The following GRM4 variants were observed in gnomAD, a reference collection of about 807,000 sequenced individuals.
The protein encoded by GRM4 is glutamate metabotropic receptor 4.
GRM4 carries 28 observed loss-of-function variants against 81.7 expected under a neutral mutation model. The observed-to-expected ratio is 0.34, with a 90% CI of 0.25 to 0.47. The LOEUF (loss-of-function observed/expected upper bound fraction) is 0.47. Among genes scored for constraint, GRM4 ranks in the 20% least tolerant of loss-of-function variants. The probability of loss-of-function intolerance (pLI) is 1.00; values close to 1 mark genes in which losing one functional copy is unlikely to be tolerated. For missense variants in GRM4, 948 were observed against 1,290.0 expected (o/e 0.73, Z 4.06); for synonymous variants, 488 against 528.8 (o/e 0.92, Z 1.06).
chr6:34,080,144 G>A lies in GRM4; in HGVS notation c.736+11739C>T, dbSNP rs1478313687. ...TGCACATGCCAGTTCCCCTGCCTGG[G>A]GCCCTCTTCCCACAGATCTCCACCT... On this transcript the variant is annotated intron_variant, in intron 3 of 10. Coordinates refer to ENST00000538487, the MANE Select transcript of GRM4 (RefSeq NM_000841.4). This position sits in a 1 kb window ranked among gnomAD's most constrained non-coding sequence, Gnocchi z 5.4. Among the ~76,000 whole-genome samples, 1 of 152,060 alleles carries A rather than the reference G, an allele frequency of 6.6e-6. No homozygotes were observed. The highest frequency in any genetic ancestry group is 2.4e-5 in the African/African-American group (1 of 41,380).
At chr6:34,071,568 CCA>C (rs751577392) in intron 3 of GRM4, among the ~76,000 whole-genome samples, 10 of 26,328 alleles carry the variant, frequency 3.8e-4, no homozygotes, top group Non-Finnish European at 9.3e-4. Context: ...CAGATAAACA[CCA>C]CACACACACA....
chr6:34,025,300 C>A (rs1458096436), intron 10 of GRM4, among the ~76,000 whole-genome samples: 2 of 152,116 alleles, frequency 1.3e-5, no homozygotes, highest in African/African-American at 4.8e-5. Context: ...AGAATCAATT[C>A]CCCAGAGCTC....
At chr6:34,083,725 G>T (rs1422249550) in intron 3 of GRM4, among the ~76,000 whole-genome samples, 1 of 152,200 alleles carries the variant, frequency 6.6e-6, no homozygotes, top group Non-Finnish European at 1.5e-5. Flanking sequence ...GAGGCAGCTG[G>T]TGGAACAGTA....
intron 4 of GRM4, chr6:34,061,271 G>C (rs6901097): frequency 0.62 from 94,401 of 152,006 alleles, 29,563 homozygotes; most frequent in South Asian, 0.68. Flanking sequence ...CTGGGGCTCC[G>C]TGAGGACAGA....
chr6:34,090,318 G>A lies in GRM4; in HGVS notation c.736+1565C>T, dbSNP rs1199971292. On this transcript the variant is annotated intron_variant, in intron 3 of 10. Coordinates refer to ENST00000538487, the MANE Select transcript of GRM4 (RefSeq NM_000841.4). This position sits in a 1 kb window ranked among gnomAD's most constrained non-coding sequence, Gnocchi z 5.2. ...GTCATGCATTAAACAGAAAAGGTAGGAGGTTGGTTTGGGGAAGAGTTGAAG... is the reference window on the plus strand; with the variant it reads ...GTCATGCATTAAACAGAAAAGGTAGAAGGTTGGTTTGGGGAAGAGTTGAAG... 6.6e-6 allele frequency among the ~76,000 whole-genome samples: 1 copy of A among 152,210 alleles called. No homozygotes were observed. Among genetic ancestry groups the A allele is most frequent in the Non-Finnish European group, 1.5e-5 (1 of 68,038 alleles).
intron 3 of GRM4, among the ~76,000 whole-genome samples, chr6:34,084,655 T>C (rs925833185): frequency 2.6e-5 from 4 of 152,210 alleles, no homozygotes; most frequent in African/African-American, 9.6e-5. Context: ...ACATGCGGCA[T>C]TGGCCTAAAA....
intron 2 of GRM4, chr6:34,106,106 G>C (rs6457757): frequency 0.63 from 95,775 of 151,990 alleles, 30,463 homozygotes; most frequent in Admixed American, 0.7. Context: ...CACCACAGGG[G>C]TCCTCTCTTT....
chr6:34,051,755 T>C lies in GRM4; in HGVS notation c.1168+4789A>G, dbSNP rs149411831. On this transcript the variant is annotated intron_variant, in intron 6 of 10. Transcript: ENST00000538487. ...GGGGGATCCACAGGCCATCTGCAAGTGCTTCCTGCAGATAAGCTCCCATCA... is the reference window on the plus strand; with the variant it reads ...GGGGGATCCACAGGCCATCTGCAAGCGCTTCCTGCAGATAAGCTCCCATCA... 6.3e-4 allele frequency among the ~76,000 whole-genome samples: 96 copies of C among 152,258 alleles called. 2 individuals are homozygous for C. The East Asian group carries it at 0.013, about 21-fold the overall frequency.
chr6:34,118,200 A>G (rs1417534399), intron 2 of GRM4, among the ~76,000 whole-genome samples: 1 of 152,250 alleles, frequency 6.6e-6, no homozygotes, highest in African/African-American at 2.4e-5. Context: ...CAAATCTGTG[A>G]CAAACATGCT....
rs10635207 is a variant in GRM4, at chr6:34,136,563, G to GACACAC, written c.-363-2710_-363-2705dup. ...GCTGAGCAGTGCATGCGCGCGTGCG[G>GACACAC]ACACACACACACACACACACACACA... On this transcript the variant is annotated intron_variant, in intron 1 of 10. Transcript: ENST00000538487. This position sits in a 1 kb window ranked among gnomAD's most constrained non-coding sequence, Gnocchi z 4.1. Among the ~76,000 whole-genome samples, 5,462 of 142,454 alleles carry GACACAC rather than the reference G, an allele frequency of 0.038. 166 individuals are homozygous for GACACAC. Among genetic ancestry groups the GACACAC allele is most frequent in the African/African-American group, 0.063 (2,324 of 36,826 alleles). 93.5% of individuals were successfully genotyped at this position (142,454 alleles called of 152,430 possible). A position where few individuals can be genotyped will look rare whatever the true frequency, so the allele number is the denominator to read the frequency against.
At position 34,044,291 on chromosome 6, in the gene GRM4, G is replaced by C. The variant is rs1000324489; in HGVS notation, c.1169-3543C>G. On this transcript the variant is annotated intron_variant, in intron 6 of 10. Transcript: ENST00000538487. ...ACATATACACATACACACACACATA[G>C]ACATACATACATACACATATATACA... 4.5e-4 allele frequency among the ~76,000 whole-genome samples: 36 copies of C among 80,800 alleles called. No homozygotes were observed. The East Asian group carries it at 5.1e-3, about 11-fold the overall frequency. 53.0% of individuals were successfully genotyped at this position (80,800 alleles called of 152,430 possible). A position where few individuals can be genotyped will look rare whatever the true frequency, so the allele number is the denominator to read the frequency against.
At chr6:34,110,299 C>G (rs904346622) in intron 2 of GRM4, among the ~76,000 whole-genome samples, 2 of 108,310 alleles carry the variant, frequency 1.8e-5, no homozygotes, top group Admixed American at 1.1e-4. Context: ...GTCTCAAAAA[C>G]AACACCCACC....
chr6:34,027,996 C>A, intron 10 of GRM4, 124 bp downstream of exon 10: 1 of 1,131,570 alleles, frequency 8.8e-7, no homozygotes, highest in Non-Finnish European at 1.2e-6. Flanking sequence ...CAGTGTCCCC[C>A]GCCGCCTCCC....
chr6:34,128,436 T>C (rs945708218), intron 2 of GRM4, among the ~76,000 whole-genome samples: 10 of 150,064 alleles, frequency 6.7e-5, no homozygotes, highest in Admixed American at 3.4e-4. Flanking sequence ...TGGGATGCAA[T>C]GGTAGGATCT....
rs533278861 is a variant in GRM4, at chr6:34,133,664, C to T, written c.-168G>A. The T allele has an allele frequency of 6.8e-5, 97 of 1,416,536 alleles. No homozygotes were observed. In the African/African-American group the frequency reaches 1.0e-3, roughly 15 times the overall value. The allele number at this position is 1,416,536 out of a possible 1,614,324, so 87.7% of individuals were successfully genotyped here. The stretch of plus-strand genomic sequence containing the variant: ...TACCCTCTCCCACCTCCTTGTCACT[C>T]GGGCCAAGCACAGTTGCCCGCACAG... On this transcript the variant is annotated 5_prime_UTR_variant, in exon 2 of 11. Transcript: ENST00000538487. The surrounding 1 kb of genome is among the most constrained non-coding windows in gnomAD (Gnocchi z 6.5).
chr6:34,112,288 A>G (rs577989196), intron 2 of GRM4, among the ~76,000 whole-genome samples: 1 of 152,012 alleles, frequency 6.6e-6, no homozygotes, highest in Middle Eastern at 3.2e-3. Flanking sequence ...GGGAGGCAGC[A>G]TCTCCCTGCT....
At chr6:34,153,980 C>T (rs1440258624) in intron 1 of GRM4, among the ~76,000 whole-genome samples, 1 of 151,664 alleles carries the variant, frequency 6.6e-6, no homozygotes, top group Non-Finnish European at 1.5e-5. Flanking sequence ...TCCTGGGAGG[C>T]CAGCGCCAGG....
chr6:34,045,330 G>A (rs1765316671), intron 6 of GRM4, among the ~76,000 whole-genome samples: 1 of 152,244 alleles, frequency 6.6e-6, no homozygotes, highest in East Asian at 1.9e-4. Flanking sequence ...GAGCCATCGT[G>A]TGCCTGGCAC....
chr6:34,143,428 G>A (rs1770786199), intron 1 of GRM4, among the ~76,000 whole-genome samples: 1 of 152,210 alleles, frequency 6.6e-6, no homozygotes, highest in African/African-American at 2.4e-5. Context: ...CGGTTCAGCA[G>A]TCCCCAGGGC....
Sources: allele counts gnomAD v4.1 joint callset (sites outside exome capture counted in the v4.1 genomes callset), GRCh38; gene constraint gnomAD v4.1.1; non-coding constraint Gnocchi (gnomAD v3.1); transcripts MANE v1.5; gene names NCBI Gene and HGNC (gene_info 2026-07-23, HGNC 2026-07-21).